ZNF75A: variants seen among roughly 807,000 people sequenced by gnomAD.
ZNF75A encodes zinc finger protein 75A.
A neutral mutation model predicts 46.3 loss-of-function variants in ZNF75A; 36 were observed. That is an observed-to-expected ratio of 0.78 (90% confidence interval 0.60 to 1.03). The LOEUF is 1.03. Ranked by LOEUF, ZNF75A falls within the 50% of genes least tolerant of loss-of-function variation. ZNF75A has a pLI of 0.00. For missense variants in ZNF75A, 595 were observed against 551.3 expected (o/e 1.08, Z -0.79); for synonymous variants, 234 against 189.9 (o/e 1.23, Z -1.91).
At chr16:3,317,159 T>G (rs765893566) in intron 6 of ZNF75A, 31 bp from the exon 7 acceptor site, 1 of 1,578,788 alleles carries the variant, frequency 6.3e-7, no homozygotes, top group Non-Finnish European at 8.6e-7. Context: ...TGTTCTGGGA[T>G]ACAGATGTGT....
downstream of ZNF75A, among the ~76,000 whole-genome samples, chr16:3,322,682 T>C (rs2029987794): frequency 6.6e-6 from 1 of 152,198 alleles, no homozygotes; most frequent in Non-Finnish European, 1.5e-5. Flanking sequence ...TGTTTGGATA[T>C]GATGCACCTT....
At chr16:3,311,283 C>T (rs960478549) in intron 2 of ZNF75A, among the ~76,000 whole-genome samples, 4 of 151,944 alleles carry the variant, frequency 2.6e-5, no homozygotes, top group Non-Finnish European at 5.9e-5. Context: ...ACTAAAAATG[C>T]AAAAATTAGC....
At position 3,316,942 on chromosome 16, in the gene ZNF75A, T is replaced by G. The variant is rs1310340061; in HGVS notation, c.854T>G (p.Ile285Ser). 3.7e-6 allele frequency: 6 copies of G among 1,613,532 alleles called. No individual in the cohort carries two copies. Among genetic ancestry groups the G allele is most frequent in the Non-Finnish European group, 4.2e-6 (5 of 1,179,852 alleles). ...TTTGTGCTCCCCAAACCTAAAGTGA[T>G]CTCCTGTCTAGAGCAAGGGGAAGAG... Reference protein sequence around the residue: ...ALFVLPKPKVISCLEQGEEPW... With the variant: ...ALFVLPKPKVSSCLEQGEEPW... The change falls in exon 6 of 7, where the codon ATC becomes AGC. Residue 285 changes from isoleucine (I) to serine (S), a missense_variant. Ile to Ser is a moderately radical substitution (Grantham distance 142, BLOSUM62 -2). Coordinates refer to ENST00000669516, the MANE Select transcript of ZNF75A (RefSeq NM_001302109.2).
intron 2 of ZNF75A, 159 bp from the exon 3 acceptor site, chr16:3,311,594 G>A: frequency 5.9e-6 from 1 of 170,048 alleles, no homozygotes; most frequent in South Asian, 1.9e-4. Flanking sequence ...ATAGTCATTT[G>A]TGGAGCATTG....
intron 5 of ZNF75A, among the ~76,000 whole-genome samples, chr16:3,314,108 G>A (rs1272668281): frequency 6.6e-6 from 1 of 151,982 alleles, no homozygotes; most frequent in Non-Finnish European, 1.5e-5. Flanking sequence ...GAAAACTGAG[G>A]ATAATCATCT....
downstream of ZNF75A, among the ~76,000 whole-genome samples, chr16:3,319,463 A>G (rs1352461566): frequency 6.6e-6 from 1 of 152,150 alleles, no homozygotes; most frequent in Non-Finnish European, 1.5e-5. Flanking sequence ...TCTGGTCTAC[A>G]TAGCTCTTAC....
chr16:3,313,298 G>C (rs1275159565), intron 5 of ZNF75A, 123 bp downstream of exon 5: 1 of 989,094 alleles, frequency 1.0e-6, no homozygotes, highest in African/African-American at 1.6e-5. Flanking sequence ...GATGGTATAG[G>C]GGAGGGTGTA....
chr16:3,317,190 G>C lies in ZNF75A; in HGVS notation c.935G>C (p.Gly312Ala). ...FKDSAGKSPT[G>A]LKLKNDTENH... is the part of the protein sequence containing the mutation. ...TGTGTGATTATGTTTATTCCAACAG[G>C]GTTAAAGCTCAAAAACGACACTGAA... The change falls in exon 7 of 7, where the codon GGG becomes GCG. Residue 312 changes from glycine to alanine, a missense_variant and splice_region_variant. Coordinates refer to ENST00000669516, the MANE Select transcript of ZNF75A (RefSeq NM_001302109.2). 2 of 1,609,502 alleles carry C rather than the reference G, an allele frequency of 1.2e-6. No homozygotes were observed. Among genetic ancestry groups the C allele is most frequent in the Non-Finnish European group, 1.7e-6 (2 of 1,177,822 alleles).
chr16:3,315,483 C>T (rs1961143106), intron 5 of ZNF75A, among the ~76,000 whole-genome samples: 1 of 152,170 alleles, frequency 6.6e-6, no homozygotes. Flanking sequence ...GCGTGAGCCA[C>T]CGTGCCCAGC....
downstream of ZNF75A, chr16:3,323,043 T>C (rs1402094146): frequency 6.1e-5 from 44 of 721,730 alleles, no homozygotes; most frequent in East Asian, 2.7e-3. Context: ...GCTACTGTCT[T>C]TTTTTTTAAC....
chr16:3,308,387 A>G lies in ZNF75A; in HGVS notation c.-42A>G. Reference sequence around the variant, plus strand: ...GATCTCATTTGTTAAACGTGGTACCAATTGGGTGTCTTAACACAGGAGCAG... The same window carrying G: ...GATCTCATTTGTTAAACGTGGTACCGATTGGGTGTCTTAACACAGGAGCAG... On this transcript the variant is annotated 5_prime_UTR_variant, in exon 2 of 7. Coordinates refer to ENST00000669516, the MANE Select transcript of ZNF75A (RefSeq NM_001302109.2). The G allele has an allele frequency of 4.1e-6, 4 of 983,558 alleles. No individual in the cohort carries two copies. The highest frequency in any genetic ancestry group is 4.8e-6 in the Non-Finnish European group (4 of 827,886). The allele number at this position is 983,558 out of a possible 1,614,324, so 60.9% of individuals were successfully genotyped here. A position where few individuals can be genotyped will look rare whatever the true frequency, so the allele number is the denominator to read the frequency against.
At chr16:3,322,305 T>G (rs1446701145), downstream of ZNF75A, among the ~76,000 whole-genome samples, 3 of 152,226 alleles carry the variant, frequency 2.0e-5, no homozygotes, top group Non-Finnish European at 4.4e-5. Context: ...GTGGGTTCAC[T>G]GGGGACCGAG....
chr16:3,306,940 A>C (rs1960311201), intron 1 of ZNF75A: 6 of 151,690 alleles, frequency 4.0e-5, no homozygotes, highest in Admixed American at 3.9e-4. Flanking sequence ...ACAGTTCATA[A>C]GTTTTAAATA....
chr16:3,322,941 A>G (rs1596406226), downstream of ZNF75A: 21 of 985,306 alleles, frequency 2.1e-5, no homozygotes, highest in Non-Finnish European at 2.5e-5. Flanking sequence ...AAGCAGGACT[A>G]CTTCCGCCGA....
intron 5 of ZNF75A, among the ~76,000 whole-genome samples, 161 bp downstream of exon 5, chr16:3,313,336 C>T (rs550571483): frequency 1.8e-4 from 27 of 152,252 alleles, no homozygotes; most frequent in Admixed American, 1.2e-3. Flanking sequence ...ACCTGTGGAG[C>T]TTTTTCCAAA....
downstream of ZNF75A, among the ~76,000 whole-genome samples, chr16:3,319,522 G>A (rs778335858): frequency 2.6e-4 from 40 of 152,290 alleles, no homozygotes; most frequent in Middle Eastern, 0.01. Context: ...TCTTCTCCCA[G>A]ATCATGTGTG....
At chr16:3,320,251 A>G (rs1479891931), downstream of ZNF75A, among the ~76,000 whole-genome samples, 1 of 152,076 alleles carries the variant, frequency 6.6e-6, no homozygotes, top group Admixed American at 6.5e-5. Flanking sequence ...TCACCTTGTT[A>G]GCCAGGATGG....
intron 3 of ZNF75A, chr16:3,312,368 G>C (rs562184428): frequency 3.9e-5 from 6 of 152,176 alleles, no homozygotes; most frequent in African/African-American, 1.4e-4. Flanking sequence ...CTACCATACA[G>C]TGGAGTCCCT....
chr16:3,318,724 G>A lies in ZNF75A; in HGVS notation c.*855G>A. 3 of 985,412 alleles carry A rather than the reference G, an allele frequency of 3.0e-6. No individual in the cohort carries two copies. The highest frequency in any genetic ancestry group is 3.6e-6 in the Non-Finnish European group (3 of 829,934). 61.0% of individuals were successfully genotyped at this position (985,412 alleles called of 1,614,324 possible). ...GGCTTTTCTTTGTTGTTAAGAATGA[G>A]AGACTTAATTTCCATGGGAGTTGGA... On this transcript the variant is annotated 3_prime_UTR_variant, in exon 7 of 7. Coordinates refer to ENST00000669516, the MANE Select transcript of ZNF75A (RefSeq NM_001302109.2).
Sources: gnomAD v4.1 joint callset for allele counts (sites outside exome capture counted in the v4.1 genomes callset) on GRCh38, gnomAD v4.1.1 for gene constraint, MANE v1.5 for transcripts, NCBI Gene and HGNC (gene_info 2026-07-23, HGNC 2026-07-21) for gene names.